The following CCDC85A variants were observed in gnomAD, a reference collection of about 807,000 sequenced individuals.
CCDC85A encodes the protein coiled-coil domain-containing protein 85A.
CCDC85A carries 38 observed loss-of-function variants against 50.2 expected under a neutral mutation model. The observed-to-expected ratio is 0.76, with a 90% CI of 0.58 to 0.99. The LOEUF is 0.99. CCDC85A is among the 50% of genes least tolerant of loss of function. The probability of loss-of-function intolerance (pLI) is 0.00; values close to 1 mark genes in which losing one functional copy is unlikely to be tolerated. For synonymous variants in CCDC85A, 366 were observed against 301.4 expected (o/e 1.21, Z -2.22); for missense variants, 820 against 742.0 (o/e 1.11, Z -1.22).
Position 56,184,018 on chromosome 2 carries a change from G to T in CCDC85A, c.-607G>T. On this transcript the variant is annotated 5_prime_UTR_variant, in exon 1 of 6. Transcript: ENST00000407595. The stretch of plus-strand genomic sequence containing the variant: ...CTCGACTCCGCTCTGCAAATCGAAG[G>T]CTTTCCGGAGCAGCCTAGGAGCGGC... 1.1e-5 allele frequency: 11 copies of T among 985,538 alleles called. No homozygotes were observed. Among genetic ancestry groups the T allele is most frequent in the Non-Finnish European group, 1.3e-5 (11 of 830,060 alleles). 61.0% of individuals were successfully genotyped at this position (985,538 alleles called of 1,614,324 possible).
chr2:56,366,470 T>G (rs1229410055), intron 3 of CCDC85A, among the ~76,000 whole-genome samples: 2 of 152,222 alleles, frequency 1.3e-5, no homozygotes, highest in African/African-American at 4.8e-5. Context: ...GATCTCATTG[T>G]GGTTTTAATT....
At chr2:56,365,977 T>A (rs193126600) in intron 3 of CCDC85A, among the ~76,000 whole-genome samples, 16 of 151,822 alleles carry the variant, frequency 1.1e-4, no homozygotes, top group African/African-American at 3.9e-4. Flanking sequence ...ACTTTTTTTT[T>A]AAGATTTCAT....
At position 56,384,843 on chromosome 2, in the gene CCDC85A, T is replaced by C; in HGVS notation, c.*488T>C. ...AGTTTGAGAGTTGGGCATTTACCTC[T>C]TACACTTCAGTCAACAAACAAACTA... On this transcript the variant is annotated 3_prime_UTR_variant, in exon 6 of 6. Coordinates refer to ENST00000407595, the MANE Select transcript of CCDC85A (RefSeq NM_001080433.2). 1 of 152,634 alleles carries C rather than the reference T, an allele frequency of 6.6e-6. No individual in the cohort carries two copies. Among genetic ancestry groups the C allele is most frequent in the Non-Finnish European group, 1.5e-5 (1 of 68,150 alleles). The allele number at this position is 152,634 out of a possible 1,614,324, so 9.5% of individuals were successfully genotyped here.
chr2:56,339,408 T>C (rs889868593), intron 2 of CCDC85A, among the ~76,000 whole-genome samples: 3 of 152,220 alleles, frequency 2.0e-5, no homozygotes, highest in African/African-American at 7.2e-5. Context: ...CCTTTTTTCC[T>C]GAACTGACAT....
chr2:56,312,701 A>T (rs1187834367), intron 2 of CCDC85A, among the ~76,000 whole-genome samples: 1 of 152,178 alleles, frequency 6.6e-6, no homozygotes, highest in Non-Finnish European at 1.5e-5. Flanking sequence ...CATCTACTTT[A>T]TAAAATGATT....
rs187824559 is a variant in CCDC85A, at chr2:56,186,143, G to T, written c.276+1243G>T. ...CGAGGCCGAAAGTCATTGTCATATA[G>T]TCCCTAGAGTGGGTGCAGGTAGGAA... On this transcript the variant is annotated intron_variant, in intron 1 of 5. Coordinates refer to ENST00000407595, the MANE Select transcript of CCDC85A (RefSeq NM_001080433.2). Among the ~76,000 whole-genome samples the T allele has an allele frequency of 1.8e-3, 280 of 152,312 alleles. 1 individual carries two copies. Among genetic ancestry groups the T allele is most frequent in the Non-Finnish European group, 3.5e-3 (241 of 68,036 alleles).
chr2:56,276,056 A>G (rs531792524), intron 2 of CCDC85A, among the ~76,000 whole-genome samples: 3 of 152,286 alleles, frequency 2.0e-5, no homozygotes, highest in African/African-American at 4.8e-5. Context: ...CAGTTAATCA[A>G]TTTACTCAGA....
At chr2:56,210,152 G>T (rs1376868991) in intron 2 of CCDC85A, among the ~76,000 whole-genome samples, 1 of 152,074 alleles carries the variant, frequency 6.6e-6, no homozygotes, top group Non-Finnish European at 1.5e-5. Flanking sequence ...GGAAGTAGCT[G>T]TCTGTGAAGG....
intron 3 of CCDC85A, among the ~76,000 whole-genome samples, chr2:56,352,226 A>G (rs1198623243): frequency 1.3e-5 from 2 of 152,226 alleles, no homozygotes; most frequent in Non-Finnish European, 1.5e-5. Context: ...TAAATGTAAT[A>G]TATGCAATAT....
chr2:56,263,713 C>T (rs1300457926), intron 2 of CCDC85A, among the ~76,000 whole-genome samples: 1 of 152,226 alleles, frequency 6.6e-6, no homozygotes, highest in African/African-American at 2.4e-5. Flanking sequence ...GAGCATGGCT[C>T]TTAGGAACTG....
intron 4 of CCDC85A, among the ~76,000 whole-genome samples, chr2:56,375,186 A>G (rs1288351751): frequency 2.0e-5 from 3 of 152,174 alleles, no homozygotes; most frequent in Non-Finnish European, 4.4e-5. Flanking sequence ...TGTCAAATTA[A>G]TCATGTACAG....
In CCDC85A at chr2:56,284,643, G is replaced by A. The variant is rs188115060; in HGVS notation, c.1241-58236G>A. On this transcript the variant is annotated intron_variant, in intron 2 of 5. Coordinates refer to ENST00000407595, the MANE Select transcript of CCDC85A (RefSeq NM_001080433.2). ...CTGCCTTGGCCTCCCAAACTGCCAG[G>A]ATTACAGGCGTGAGCCACCATGCCC... is the stretch of plus-strand genomic sequence containing the variant. Among the ~76,000 whole-genome samples, 281 of 152,334 alleles carry A rather than the reference G, an allele frequency of 1.8e-3. 1 individual carries two copies. The highest frequency in any genetic ancestry group is 3.4e-3 in the Middle Eastern group (1 of 294).
At chr2:56,368,184 A>T (rs1395567975) in intron 3 of CCDC85A, among the ~76,000 whole-genome samples, 1 of 152,180 alleles carries the variant, frequency 6.6e-6, no homozygotes, top group East Asian at 1.9e-4. Flanking sequence ...GAAATTACTT[A>T]TTATTTTACA....
In CCDC85A at chr2:56,193,087, C is replaced by T. The variant is rs775014231; in HGVS notation, c.887C>T (p.Pro296Leu). The part of the protein sequence containing the change: ...CKGSPEQQRH[P>L]HPGSSPETLP... ...GGCAGCCCCGAACAGCAAAGGCACC[C>T]GCATCCAGGGAGCAGCCCCGAAACG... The change falls in exon 2 of 6, where the codon CCG (proline) becomes CTG (leucine). Residue 296 changes from proline (P) to leucine (L), a missense_variant. By Grantham distance (98) the Pro-to-Leu change is moderately conservative. Coordinates refer to ENST00000407595, the MANE Select transcript of CCDC85A (RefSeq NM_001080433.2). 8 of 1,613,682 alleles carry T rather than the reference C, an allele frequency of 5.0e-6. No homozygotes were observed. The highest frequency in any genetic ancestry group is 1.1e-5 in the South Asian group (1 of 91,054).
intron 2 of CCDC85A, among the ~76,000 whole-genome samples, chr2:56,258,767 G>T (rs1461304431): frequency 2.6e-5 from 4 of 152,214 alleles, no homozygotes; most frequent in Non-Finnish European, 5.9e-5. Flanking sequence ...GCTTGATGAG[G>T]AGAGGGGCCA....
intron 2 of CCDC85A, among the ~76,000 whole-genome samples, chr2:56,258,812 C>T (rs142817382): frequency 1.4e-4 from 22 of 152,144 alleles, no homozygotes; most frequent in African/African-American, 3.9e-4. Flanking sequence ...AACTGAAGTA[C>T]GGAGATTTTG....
At chr2:56,374,859 C>T (rs917846406) in intron 4 of CCDC85A, among the ~76,000 whole-genome samples, 2 of 152,134 alleles carry the variant, frequency 1.3e-5, no homozygotes, top group South Asian at 2.1e-4. Flanking sequence ...CATGATACAC[C>T]TTCAGTGACT....
At chr2:56,272,169 A>G (rs1013445747) in intron 2 of CCDC85A, among the ~76,000 whole-genome samples, 2 of 152,202 alleles carry the variant, frequency 1.3e-5, no homozygotes, top group African/African-American at 4.8e-5. Flanking sequence ...AATAATAAGT[A>G]TTAATCCCTA....
intron 2 of CCDC85A, among the ~76,000 whole-genome samples, chr2:56,319,807 C>A (rs1673083897): frequency 6.6e-6 from 1 of 152,094 alleles, no homozygotes; most frequent in South Asian, 2.1e-4. Flanking sequence ...GCACCACACA[C>A]AAAGTGACTA....
Sources: allele counts gnomAD v4.1 joint callset (sites outside exome capture counted in the v4.1 genomes callset), GRCh38; gene constraint gnomAD v4.1.1; transcripts MANE v1.5; gene names NCBI Gene and HGNC (gene_info 2026-07-23, HGNC 2026-07-21).